Variants in TTC23 observed in about 807,000 individuals in gnomAD.
The protein encoded by TTC23 is tetratricopeptide repeat domain 23.
In TTC23, 58 loss-of-function variants were observed where a neutral mutation model predicts 55.1. The observed-to-expected ratio is 1.05, with a 90% CI of 0.85 to 1.31. The LOEUF (loss-of-function observed/expected upper bound fraction) is 1.31. TTC23 is among the 50% of genes most tolerant of loss of function. TTC23 has a pLI of 0.00. For synonymous variants in TTC23, 203 were observed against 199.9 expected (o/e 1.02, Z -0.13); for missense variants, 516 against 534.4 (o/e 0.97, Z 0.34).
At chr15:99,183,308 A>G (rs1037126428) in intron 9 of TTC23, among the ~76,000 whole-genome samples, 4 of 151,376 alleles carry the variant, frequency 2.6e-5, no homozygotes, top group Non-Finnish European at 2.9e-5. Context: ...ATCTGGTGGA[A>G]GAAATTTCTT....
At chr15:99,229,257 T>C (rs1468924802) in intron 4 of TTC23, among the ~76,000 whole-genome samples, 2 of 152,114 alleles carry the variant, frequency 1.3e-5, no homozygotes, top group African/African-American at 2.4e-5. Context: ...AAATAAATAA[T>C]TGTTGTTACA....
intron 5 of TTC23, among the ~76,000 whole-genome samples, chr15:99,227,263 G>C (rs911905003): frequency 1.3e-5 from 2 of 152,136 alleles, no homozygotes; most frequent in African/African-American, 4.8e-5. Flanking sequence ...CTCAGACCTT[G>C]GGTGGTGGGA....
chr15:99,194,339 C>T (rs531936299), intron 9 of TTC23, among the ~76,000 whole-genome samples: 24 of 152,036 alleles, frequency 1.6e-4, no homozygotes, highest in Admixed American at 5.2e-4. Context: ...ACTGATACTA[C>T]CCAACTTGAA....
chr15:99,179,173 C>G (rs1222996280), intron 9 of TTC23, among the ~76,000 whole-genome samples: 1 of 152,226 alleles, frequency 6.6e-6, no homozygotes, highest in Non-Finnish European at 1.5e-5. Context: ...TCTCAGGTTT[C>G]TGACAAACTT....
At chr15:99,190,187 A>C (rs554540516) in intron 9 of TTC23, among the ~76,000 whole-genome samples, 2 of 151,782 alleles carry the variant, frequency 1.3e-5, no homozygotes, top group South Asian at 2.1e-4. Context: ...TAAAAAAAGA[A>C]AGAAAGAAAG....
chr15:99,207,810 T>C (rs886881634), intron 8 of TTC23, among the ~76,000 whole-genome samples: 1 of 152,088 alleles, frequency 6.6e-6, no homozygotes, highest in African/African-American at 2.4e-5. Context: ...ATCCATATAA[T>C]TGAGAACTAT....
At chr15:99,174,474 A>AT (rs2073306614) in intron 10 of TTC23, among the ~76,000 whole-genome samples, 1 of 152,056 alleles carries the variant, frequency 6.6e-6, no homozygotes, top group Non-Finnish European at 1.5e-5. Flanking sequence ...AAAAAAAAAA[A>AT]AAATCATTAG....
At chr15:99,170,611 G>A (rs987530261) in intron 10 of TTC23, among the ~76,000 whole-genome samples, 1 of 152,196 alleles carries the variant, frequency 6.6e-6, no homozygotes, top group Admixed American at 6.5e-5. Flanking sequence ...GAGGGATTTG[G>A]TTGCCCCTTA....
At chr15:99,140,155 A>C (rs1181454921) in intron 12 of TTC23, 1 of 168,076 alleles carries the variant, frequency 5.9e-6, no homozygotes, top group Non-Finnish European at 1.3e-5. Context: ...CAGGGCAGAG[A>C]GCCCAAGCCT....
Position 99,236,424 on chromosome 15 carries a change from G to A in TTC23, c.-113-1344C>T, listed in dbSNP as rs79677101. ...CTTCTCATGTACTTATTGGCCATCTGTATACTTACTTTGGATAAATGTCTA... is the reference window on the plus strand; with the variant it reads ...CTTCTCATGTACTTATTGGCCATCTATATACTTACTTTGGATAAATGTCTA... On this transcript the variant is annotated intron_variant, in intron 3 of 13. Transcript: ENST00000394132. Among the ~76,000 whole-genome samples, 10 of 150,772 alleles carry A rather than the reference G, an allele frequency of 6.6e-5. No homozygotes were observed. The East Asian group carries it at 1.9e-3, about 29-fold the overall frequency.
At chr15:99,149,670 GAAC>G (rs1555495875) in intron 12 of TTC23, among the ~76,000 whole-genome samples, 1 of 152,208 alleles carries the variant, frequency 6.6e-6, no homozygotes, top group Non-Finnish European at 1.5e-5. Flanking sequence ...CCTTATATAA[GAAC>G]AACCTGCCCA....
rs782684920 is a variant in TTC23, at chr15:99,139,379, G to A, written c.1164C>T (p.Leu388=). The change falls in exon 13 of 14, where the codon CTC becomes CTT. Residue 388 remains leucine, a synonymous_variant. Coordinates refer to ENST00000394132, the MANE Select transcript of TTC23 (RefSeq NM_001288615.3). ...KLKKCLQIQT[L]LYGPQDKRTL... ...TCCTTTTGTCCTGCGGTCCATATAAGAGGGTCTGGATCTGGAGACACTGTA... is the reference window on the plus strand; with the variant it reads ...TCCTTTTGTCCTGCGGTCCATATAAAAGGGTCTGGATCTGGAGACACTGTA... 6.2e-7 allele frequency: 1 copy of A among 1,614,172 alleles called. No individual in the cohort carries two copies. Among genetic ancestry groups the A allele is most frequent in the Non-Finnish European group, 8.5e-7 (1 of 1,180,036 alleles).
intron 4 of TTC23, among the ~76,000 whole-genome samples, chr15:99,234,593 C>T (rs1005081945): frequency 2.6e-5 from 4 of 151,984 alleles, no homozygotes; most frequent in East Asian, 1.9e-4. Flanking sequence ...AGGATGGTCT[C>T]GATCTCCTGA....
chr15:99,172,268 T>G (rs1309781023), intron 10 of TTC23, among the ~76,000 whole-genome samples: 1 of 152,202 alleles, frequency 6.6e-6, no homozygotes, highest in Non-Finnish European at 1.5e-5. Context: ...TCCACCCATC[T>G]TGGCCTCCCA....
upstream of TTC23, among the ~76,000 whole-genome samples, chr15:99,250,183 C>T (rs2080606101): frequency 6.6e-6 from 1 of 152,010 alleles, no homozygotes; most frequent in Admixed American, 6.5e-5. Context: ...ATTTTAAGAC[C>T]AGCAAAAAAT....
rs1296019748 is a variant in TTC23, at chr15:99,136,890, C to T, written c.*1120G>A. 1 of 152,324 alleles carries T rather than the reference C, an allele frequency of 6.6e-6. No individual in the cohort carries two copies. 9.4% of individuals were successfully genotyped at this position (152,324 alleles called of 1,614,324 possible). On this transcript the variant is annotated 3_prime_UTR_variant, in exon 14 of 14. Transcript: ENST00000394132. ...GACAATGGTCCCTGCTTCTCTCCAC[C>T]CTGTCGTGGCTCTACTGAGTTTATT...
intron 4 of TTC23, among the ~76,000 whole-genome samples, chr15:99,230,540 A>G (rs1047724221): frequency 6.6e-6 from 1 of 152,176 alleles, no homozygotes; most frequent in African/African-American, 2.4e-5. Context: ...GAAGAAAACT[A>G]TACCAAATAA....
intron 9 of TTC23, among the ~76,000 whole-genome samples, chr15:99,190,538 T>A (rs1038548361): frequency 6.6e-6 from 1 of 152,168 alleles, no homozygotes; most frequent in African/African-American, 2.4e-5. Flanking sequence ...TAAACAATTA[T>A]CTCTGAGTAT....
At chr15:99,177,037 C>G (rs538281827) in intron 9 of TTC23, among the ~76,000 whole-genome samples, 24 of 152,310 alleles carry the variant, frequency 1.6e-4, no homozygotes, top group African/African-American at 5.8e-4. Context: ...GTTGAGCATT[C>G]TAGTCTGGAC....
Sources: gnomAD v4.1 joint callset for allele counts (sites outside exome capture counted in the v4.1 genomes callset) on GRCh38, gnomAD v4.1.1 for gene constraint, MANE v1.5 for transcripts, NCBI Gene and HGNC (gene_info 2026-07-23, HGNC 2026-07-21) for gene names.